Variants in WDPCP observed in about 807,000 individuals in gnomAD.
WDPCP encodes the protein WD repeat containing planar cell polarity effector, also known as WD repeat-containing and planar cell polarity effector protein fritz homolog.
A neutral mutation model predicts 93.1 loss-of-function variants in WDPCP; 71 were observed. That is an observed-to-expected ratio of 0.76 (90% CI 0.63 to 0.93). The LOEUF is 0.93. WDPCP is among the 40% of genes least tolerant of loss of function. The pLI, the probability that WDPCP is intolerant of heterozygous loss-of-function variation, is 0.00. For missense variants in WDPCP, 844 were observed against 887.4 expected, an observed-to-expected ratio of 0.95 and a Z score of 0.62; for synonymous variants, 315 against 315.0, an observed-to-expected ratio of 1.00 and a Z score of 0.00.
At chr2:63,737,136 T>A (rs1477080094) in intron 2 of WDPCP, among the ~76,000 whole-genome samples, 2 of 152,158 alleles carry the variant, frequency 1.3e-5, no homozygotes, top group Non-Finnish European at 2.9e-5. Flanking sequence ...TCTCCATGCC[T>A]GATATAAGCA....
chr2:63,520,219 CAAGAAATATGGGATTATATA>C (rs1456541517), intron 1 of WDPCP, among the ~76,000 whole-genome samples: 1 of 152,044 alleles, frequency 6.6e-6, no homozygotes, highest in African/African-American at 2.4e-5. Context: ...ACAAAACCTC[CAAGAAATATGGGATTATATA>C]AAGAGACCAA....
chr2:63,575,469 A>ACG (rs760952950), intron 1 of WDPCP, among the ~76,000 whole-genome samples: 4 of 16,314 alleles, frequency 2.5e-4, no homozygotes, highest in African/African-American at 8.8e-4. Context: ...GTATATATGC[A>ACG]GTATATACAG....
rs1253082809 is a variant in WDPCP, at chr2:63,575,507, A to G, written c.75+12690T>C. On this transcript the variant is annotated intron_variant, in intron 1 of 17. Coordinates refer to ENST00000272321, the MANE Select transcript of WDPCP (RefSeq NM_015910.7). ...TATATATAGTATATACAGTATATAC[A>G]CTGTATATATAGTATATACAGTATA... is the stretch of plus-strand genomic sequence containing the variant. Among the ~76,000 whole-genome samples, 4 of 95,594 alleles carry G rather than the reference A, an allele frequency of 4.2e-5. 2 individuals carry two copies. The highest frequency in any genetic ancestry group is 1.9e-4 in the Admixed American group (2 of 10,680). The allele number at this position is 95,594 out of a possible 152,430, so 62.7% of individuals were successfully genotyped here.
intron 3 of WDPCP, among the ~76,000 whole-genome samples, chr2:63,635,045 A>G (rs1330837693): frequency 1.3e-5 from 2 of 152,160 alleles, no homozygotes; most frequent in Non-Finnish European, 2.9e-5. Context: ...AGGGGACATT[A>G]CAACTGCTAC....
chr2:63,322,415 T>C (rs1046436684), intron 12 of WDPCP, among the ~76,000 whole-genome samples: 2 of 152,172 alleles, frequency 1.3e-5, no homozygotes, highest in Non-Finnish European at 2.9e-5. Flanking sequence ...ATCTTGCTGC[T>C]GCTCACTCTT....
chr2:63,174,795 ATTT>A lies in WDPCP; in HGVS notation c.1950_1952del (p.Asn651del), dbSNP rs748512001. ...CTAAAGACAGGCCAATAAATGCTTC[ATTT>A]AGCATATCCCCTCTGTCCAAGGGTC... On this transcript the variant is annotated inframe_deletion, in exon 15 of 18. Transcript: ENST00000272321. 5 of 1,613,842 alleles carry A rather than the reference ATTT, an allele frequency of 3.1e-6. No individual in the cohort carries two copies. The African/African-American group carries it at 6.7e-5, about 22-fold the overall frequency.
intron 1 of WDPCP, among the ~76,000 whole-genome samples, chr2:63,546,810 A>G (rs982257078): frequency 6.6e-6 from 1 of 152,176 alleles, no homozygotes; most frequent in Admixed American, 6.5e-5. Flanking sequence ...ACAAACTCAA[A>G]AACTTAATAT....
At chr2:63,488,614 T>C (rs1239463337) in intron 2 of WDPCP, among the ~76,000 whole-genome samples, 2 of 152,080 alleles carry the variant, frequency 1.3e-5, no homozygotes, top group African/African-American at 4.8e-5. Flanking sequence ...GGTGTTTTCA[T>C]ATTCTGATGG....
At chr2:63,207,589 C>T (rs1189185800) in intron 14 of WDPCP, among the ~76,000 whole-genome samples, 1 of 152,096 alleles carries the variant, frequency 6.6e-6, no homozygotes, top group African/African-American at 2.4e-5. Context: ...TTCTGTATTG[C>T]GTTCTGGCAT....
At chr2:63,536,750 G>C (rs1704307943) in intron 1 of WDPCP, among the ~76,000 whole-genome samples, 1 of 144,252 alleles carries the variant, frequency 6.9e-6, no homozygotes, top group Admixed American at 7.0e-5. Flanking sequence ...AAAAAAAATG[G>C]TAAAAATCTC....
chr2:63,684,420 A>G, intron 2 of WDPCP: 1 of 839,142 alleles, frequency 1.2e-6, no homozygotes, highest in Non-Finnish European at 2.0e-6. Context: ...TCGCCCCTAC[A>G]GCCACCTCTG....
intron 14 of WDPCP, among the ~76,000 whole-genome samples, chr2:63,227,150 A>G (rs1171149261): frequency 6.6e-6 from 1 of 151,972 alleles, no homozygotes; most frequent in Non-Finnish European, 1.5e-5. Flanking sequence ...TTTAGCTATG[A>G]TAAGCAATGT....
chr2:63,272,024 T>C (rs977140725), intron 13 of WDPCP, among the ~76,000 whole-genome samples: 7 of 152,130 alleles, frequency 4.6e-5, no homozygotes, highest in African/African-American at 1.7e-4. Context: ...ACAAGCAACC[T>C]GGAGGTCCAA....
intron 17 of WDPCP, among the ~76,000 whole-genome samples, chr2:63,149,769 G>T: frequency 6.6e-6 from 1 of 152,092 alleles, no homozygotes; most frequent in African/African-American, 2.4e-5. Context: ...ATAAAGTTCA[G>T]AAAGAAGTAA....
intron 10 of WDPCP, among the ~76,000 whole-genome samples, chr2:63,402,580 G>A (rs984514684): frequency 6.6e-6 from 1 of 152,186 alleles, no homozygotes; most frequent in Non-Finnish European, 1.5e-5. Context: ...AAAAAGCTCA[G>A]TATCACTGAT....
At chr2:63,746,078 A>G (rs1353666788) in intron 2 of WDPCP, among the ~76,000 whole-genome samples, 1 of 152,162 alleles carries the variant, frequency 6.6e-6, no homozygotes, top group Non-Finnish European at 1.5e-5. Flanking sequence ...AGGGACCCCA[A>G]ACAGAGGGAC....
chr2:63,260,521 T>G (rs1211342775), intron 13 of WDPCP, among the ~76,000 whole-genome samples: 1 of 152,134 alleles, frequency 6.6e-6, no homozygotes, highest in African/African-American at 2.4e-5. Context: ...CATGTAACAT[T>G]TACTGGGAAT....
intron 8 of WDPCP, among the ~76,000 whole-genome samples, chr2:63,434,916 A>G (rs977168936): frequency 2.0e-5 from 3 of 152,198 alleles, no homozygotes; most frequent in African/African-American, 7.2e-5. Flanking sequence ...TATTGTATTT[A>G]GTAAATAATC....
intron 2 of WDPCP, chr2:63,684,662 G>A: frequency 1.4e-6 from 1 of 690,060 alleles, no homozygotes; most frequent in Non-Finnish European, 2.8e-6. Context: ...CAAGTTTGAA[G>A]AGAGATACAA....
Sources: gnomAD v4.1 joint callset for allele counts (sites outside exome capture counted in the v4.1 genomes callset) on GRCh38, gnomAD v4.1.1 for gene constraint, MANE v1.5 for transcripts, NCBI Gene and HGNC (gene_info 2026-07-23, HGNC 2026-07-21) for gene names.